Variants in ZNF324B observed in about 807,000 individuals in gnomAD.
The protein encoded by ZNF324B is zinc finger protein 324B.
ZNF324B carries 7 observed loss-of-function variants against 10.6 expected under a neutral mutation model. That is an observed-to-expected ratio of 0.66 (90% CI 0.38 to 1.24). ZNF324B has a LOEUF of 1.24. Among genes scored for constraint, ZNF324B ranks in the 50% most tolerant of loss-of-function variants. The pLI is 0.02. For synonymous variants in ZNF324B, 316 were observed against 321.0 expected (o/e 0.98, Z 0.17); for missense variants, 640 against 764.7 (o/e 0.84, Z 1.92).
At chr19:58,423,220 C>T in the ZNF324B span, among the ~76,000 whole-genome samples, 12 of 151,940 alleles carry the variant, frequency 7.9e-5, no homozygotes, top group African/African-American at 2.7e-4. Context: ...AGTGCAGTGG[C>T]GCGATCTCGG....
chr19:58,432,596 G>C, the ZNF324B span, among the ~76,000 whole-genome samples: 1 of 152,262 alleles, frequency 6.6e-6, no homozygotes, highest in South Asian at 2.1e-4. Flanking sequence ...GTAAGCTCTG[G>C]GCCCTACGGT....
At chr19:58,435,239 AAG>A in the ZNF324B span, 1 of 1,587,694 alleles carries the variant, frequency 6.3e-7, no homozygotes, top group Non-Finnish European at 8.6e-7. Context: ...CCAGTTAACT[AAG>A]AATTCCACTT....
chr19:58,426,979 A>G, the ZNF324B span, among the ~76,000 whole-genome samples: 19 of 152,236 alleles, frequency 1.2e-4, no homozygotes, highest in Non-Finnish European at 2.5e-4. Context: ...TGCCTGGAAT[A>G]TTCTGGCATT....
chr19:58,446,639 C>T (rs1331483675), upstream of ZNF324B, among the ~76,000 whole-genome samples: 4 of 129,822 alleles, frequency 3.1e-5, no homozygotes, highest in East Asian at 2.3e-4. Flanking sequence ...TGCAGTGGTG[C>T]GATCTCAGCT....
chr19:58,439,873 G>C, the ZNF324B span: 6 of 1,520,988 alleles, frequency 3.9e-6, no homozygotes, highest in Non-Finnish European at 2.7e-6. Context: ...TCACACTTCC[G>C]CTGGGTGACG....
the ZNF324B span, chr19:58,429,223 C>T: frequency 6.6e-6 from 1 of 152,220 alleles, no homozygotes; most frequent in African/African-American, 2.4e-5. Context: ...TTTCAAACCA[C>T]CTCACCAACT....
In ZNF324B at chr19:58,455,123, C is replaced by T; in HGVS notation, c.239-60C>T. 10 of 1,610,758 alleles carry T rather than the reference C, an allele frequency of 6.2e-6. No individual in the cohort carries two copies. The highest frequency in any genetic ancestry group is 8.5e-6 in the Non-Finnish European group (10 of 1,177,730). ...GGCTCCCCCTTGCCTGTCCACTCAGCCTGCCCTGGTCCTCTCCTAACCAGG... is the reference window on the plus strand; with the variant it reads ...GGCTCCCCCTTGCCTGTCCACTCAGTCTGCCCTGGTCCTCTCCTAACCAGG... On this transcript the variant is annotated intron_variant, in intron 3 of 3. Transcript: ENST00000336614. This position sits in a 1 kb window ranked among gnomAD's most constrained non-coding sequence, Gnocchi z 7.0.
chr19:58,453,863 A>G (rs1332856735), intron 2 of ZNF324B, 41 bp downstream of exon 2: 3 of 1,597,294 alleles, frequency 1.9e-6, no homozygotes, highest in Non-Finnish European at 2.6e-6. Context: ...ACTTGGTGAC[A>G]ATCAGGACTG....
chr19:58,455,554 G>A lies in ZNF324B; in HGVS notation c.610G>A (p.Gly204Arg), dbSNP rs1287937348. Residue 204 changes from glycine to arginine, a missense_variant, in exon 4 of 4, where the codon GGG becomes AGG. Transcript: ENST00000336614. The surrounding 1 kb of genome is among the most constrained non-coding windows in gnomAD (Gnocchi z 7.0). ...GAAGCCATGTGCACAGGAGGTCCCT[G>A]GGAGAGCCTTCGGGAATGCCTCGGA... ...RQKPCAQEVP[G>R]RAFGNASDLK... 2 of 1,613,996 alleles carry A rather than the reference G, an allele frequency of 1.2e-6. No individual in the cohort carries two copies. The highest frequency in any genetic ancestry group is 1.7e-6 in the Non-Finnish European group (2 of 1,180,034).
At chr19:58,442,288 C>T in the ZNF324B span, 1 of 150,010 alleles carries the variant, frequency 6.7e-6, no homozygotes, top group Non-Finnish European at 1.5e-5. Flanking sequence ...CCTGCCTCAG[C>T]CTCCCGAGCA....
the ZNF324B span, among the ~76,000 whole-genome samples, chr19:58,424,827 CAATT>C: frequency 6.6e-6 from 1 of 152,046 alleles, no homozygotes; most frequent in Non-Finnish European, 1.5e-5. Context: ...CAAAACAAAA[CAATT>C]AAACATACAC....
At chr19:58,436,572 G>C in the ZNF324B span, among the ~76,000 whole-genome samples, 4 of 149,654 alleles carry the variant, frequency 2.7e-5, no homozygotes, top group Admixed American at 6.8e-5. Flanking sequence ...GGAGGCTGAG[G>C]CAGGAGAATG....
chr19:58,447,217 A>C (rs1387863993), upstream of ZNF324B, among the ~76,000 whole-genome samples: 1 of 152,106 alleles, frequency 6.6e-6, no homozygotes, highest in Non-Finnish European at 1.5e-5. Flanking sequence ...ACCTCAAGTG[A>C]TCTGCCTGCC....
At chr19:58,430,291 C>G in the ZNF324B span, 14 of 152,260 alleles carry the variant, frequency 9.2e-5, no homozygotes, top group African/African-American at 3.4e-4. Context: ...TTGATGTTAG[C>G]CTTGTGAGAA....
chr19:58,453,098 TAAATAAATA>T (rs2052877445), intron 1 of ZNF324B: 1 of 146,392 alleles, frequency 6.8e-6, no homozygotes, highest in African/African-American at 2.7e-5. Flanking sequence ...AATAAATAAA[TAAATAAATA>T]AATAAATAAA....
Position 58,456,864 on chromosome 19 carries a change from G to T in ZNF324B, c.*285G>T. The T allele has an allele frequency of 1.9e-6, 1 of 535,636 alleles. No individual in the cohort carries two copies. The highest frequency in any genetic ancestry group is 3.3e-6 in the Non-Finnish European group (1 of 298,856). 33.2% of individuals were successfully genotyped at this position (535,636 alleles called of 1,614,324 possible). A position where few individuals can be genotyped will look rare whatever the true frequency, so the allele number is the denominator to read the frequency against. On this transcript the variant is annotated 3_prime_UTR_variant, in exon 4 of 4. Coordinates refer to ENST00000336614, the MANE Select transcript of ZNF324B (RefSeq NM_207395.3). This position sits in a 1 kb window ranked among gnomAD's most constrained non-coding sequence, Gnocchi z 4.7. ...GGCTGAGGCTGTAGTTGGGGCCATA[G>T]GACGCCGACAAAGGCAGCGCTGCAT...
rs1568604299 is a variant in ZNF324B, at chr19:58,455,062, CTCT to C, written c.239-116_239-114del. On this transcript the variant is annotated intron_variant, in intron 3 of 3. Transcript: ENST00000336614. The surrounding 1 kb of genome is among the most constrained non-coding windows in gnomAD (Gnocchi z 7.0). ...GCCCCTCCTGCAGAGCCAGCCTCAC[CTCT>C]TCTTTTTCCCTAAGCTTTTGTCCCG... 2 of 1,380,332 alleles carry C rather than the reference CTCT, an allele frequency of 1.4e-6. No individual in the cohort carries two copies. The highest frequency in any genetic ancestry group is 1.7e-5 in the Admixed American group (1 of 58,210). 85.5% of individuals were successfully genotyped at this position (1,380,332 alleles called of 1,614,324 possible).
chr19:58,419,197 A>G, the ZNF324B span: 2 of 152,166 alleles, frequency 1.3e-5, no homozygotes, highest in East Asian at 3.9e-4. Context: ...GAGATCTTCT[A>G]TATGTTTATG....
At chr19:58,426,726 G>A in the ZNF324B span, among the ~76,000 whole-genome samples, 6 of 152,320 alleles carry the variant, frequency 3.9e-5, no homozygotes, top group Admixed American at 3.9e-4. Context: ...AGCCTTTCAA[G>A]GGTGTCCCTG....
Sources: gnomAD v4.1 joint callset for allele counts (sites outside exome capture counted in the v4.1 genomes callset) on GRCh38, gnomAD v4.1.1 for gene constraint, Gnocchi (gnomAD v3.1) non-coding constraint, MANE v1.5 for transcripts, NCBI Gene and HGNC (gene_info 2026-07-23, HGNC 2026-07-21) for gene names.